Variants in ASAP1 observed in about 807,000 individuals in gnomAD.
ASAP1 encodes the protein arf-GAP with SH3 domain, ANK repeat and PH domain-containing protein 1.
Under a neutral mutation model 145.2 loss-of-function variants are expected in ASAP1, and 43 were observed. That is an observed-to-expected ratio of 0.30 (90% CI 0.23 to 0.38). The LOEUF is 0.38. ASAP1 is among the 10% of genes least tolerant of loss of function. ASAP1 has a pLI of 1.00. For missense variants in ASAP1, 1,018 were observed against 1,355.3 expected, an observed-to-expected ratio of 0.75 and a Z score of 3.91; for synonymous variants, 546 against 515.5, an observed-to-expected ratio of 1.06 and a Z score of -0.80.
At chr8:130,124,412 T>C (rs1456431722) in intron 17 of ASAP1, among the ~76,000 whole-genome samples, 1 of 152,170 alleles carries the variant, frequency 6.6e-6, no homozygotes, top group East Asian at 1.9e-4. Flanking sequence ...TAGAACAGAA[T>C]CTGGTTCTAC....
chr8:130,215,783 G>A (rs1816866373), intron 4 of ASAP1, among the ~76,000 whole-genome samples: 2 of 151,890 alleles, frequency 1.3e-5, no homozygotes, highest in African/African-American at 4.8e-5. Context: ...CAATTAGCTG[G>A]GTATTGTGGC....
chr8:130,311,016 A>C (rs1379876897), intron 3 of ASAP1, among the ~76,000 whole-genome samples: 1 of 152,186 alleles, frequency 6.6e-6, no homozygotes. Flanking sequence ...AGGAGGCTTT[A>C]TTTGTTAGGC....
chr8:130,322,442 A>ATC (rs1275032590), intron 3 of ASAP1, among the ~76,000 whole-genome samples: 1 of 152,172 alleles, frequency 6.6e-6, no homozygotes, highest in African/African-American at 2.4e-5. Context: ...TATTACATTG[A>ATC]TCTTATCCCA....
At chr8:130,403,554 C>CTTTTTTTTTTT (rs372481861) in intron 1 of ASAP1, among the ~76,000 whole-genome samples, 3 of 125,392 alleles carry the variant, frequency 2.4e-5, no homozygotes, top group African/African-American at 9.3e-5. Context: ...TTTTCTTTTT[C>CTTTTTTTTTTT]TTTTTTTTTT....
chr8:130,172,746 A>C (rs776872309), intron 9 of ASAP1, among the ~76,000 whole-genome samples: 1 of 152,252 alleles, frequency 6.6e-6, no homozygotes, highest in Non-Finnish European at 1.5e-5. Flanking sequence ...AGCACAAAAG[A>C]AATACTGAAG....
At chr8:130,368,751 A>G (rs921952723) in intron 2 of ASAP1, among the ~76,000 whole-genome samples, 1 of 152,258 alleles carries the variant, frequency 6.6e-6, no homozygotes, top group Non-Finnish European at 1.5e-5. Flanking sequence ...AAGAATGATC[A>G]TAACCAAAAG....
intron 5 of ASAP1, among the ~76,000 whole-genome samples, chr8:130,204,898 C>T (rs368691466): frequency 2.0e-5 from 3 of 152,186 alleles, no homozygotes; most frequent in African/African-American, 7.2e-5. Flanking sequence ...GCCTGGCATA[C>T]AGTCACCACA....
intron 5 of ASAP1, among the ~76,000 whole-genome samples, chr8:130,204,391 A>G (rs575211665): frequency 1.2e-4 from 19 of 152,284 alleles, no homozygotes; most frequent in East Asian, 5.8e-4. Context: ...TGAATGCTGA[A>G]TCTGAGATCT....
intron 3 of ASAP1, among the ~76,000 whole-genome samples, chr8:130,278,771 G>T (rs1014054056): frequency 8.5e-5 from 13 of 152,166 alleles, no homozygotes; most frequent in African/African-American, 3.1e-4. Flanking sequence ...GGGAGCTGTT[G>T]TTTCTGGGCC....
rs1587027865 is a variant in ASAP1, at chr8:130,426,853, C to T, written c.-28+16607G>A. On this transcript the variant is annotated intron_variant, in intron 1 of 29. Transcript: ENST00000518721. ...TTCTTCCATAAGGACTATTTGTCGT[C>T]TCACACACCATCCGTTTCATGTTTG... Among the ~76,000 whole-genome samples, 6 of 152,334 alleles carry T rather than the reference C, an allele frequency of 3.9e-5. No individual in the cohort carries two copies. In the South Asian group the frequency reaches 1.2e-3, roughly 32 times the overall value.
At chr8:130,311,500 G>A (rs995281042) in intron 3 of ASAP1, among the ~76,000 whole-genome samples, 4 of 152,140 alleles carry the variant, frequency 2.6e-5, no homozygotes, top group Non-Finnish European at 4.4e-5. Flanking sequence ...GGTGGCTCAC[G>A]CCTGTAATCC....
At chr8:130,345,336 C>T (rs1346099397) in intron 3 of ASAP1, among the ~76,000 whole-genome samples, 7 of 152,176 alleles carry the variant, frequency 4.6e-5, no homozygotes, top group Non-Finnish European at 1.0e-4. Flanking sequence ...TGACTGGCTG[C>T]CCCAGATGCA....
chr8:130,058,857 G>C (rs921781489), intron 28 of ASAP1, among the ~76,000 whole-genome samples: 1 of 152,064 alleles, frequency 6.6e-6, no homozygotes, highest in African/African-American at 2.4e-5. Context: ...GCTGCTTTCC[G>C]AGCTCCCTTC....
intron 3 of ASAP1, among the ~76,000 whole-genome samples, chr8:130,288,854 T>C (rs1821777042): frequency 6.6e-6 from 1 of 152,222 alleles, no homozygotes; most frequent in South Asian, 2.1e-4. Flanking sequence ...CAAATTATGA[T>C]AAATTCACAG....
chr8:130,324,110 T>C (rs1824183478), intron 3 of ASAP1, among the ~76,000 whole-genome samples: 1 of 152,130 alleles, frequency 6.6e-6, no homozygotes, highest in Admixed American at 6.5e-5. Context: ...ATCAAATCAG[T>C]AGAAGCCAAC....
chr8:130,213,805 C>T (rs1302578285), intron 5 of ASAP1, among the ~76,000 whole-genome samples: 1 of 152,156 alleles, frequency 6.6e-6, no homozygotes, highest in Non-Finnish European at 1.5e-5. Context: ...ATGATCCGTC[C>T]AGGTGGTGTT....
chr8:130,114,783 T>C (rs1001119018), intron 23 of ASAP1, among the ~76,000 whole-genome samples: 1 of 151,546 alleles, frequency 6.6e-6, no homozygotes, highest in African/African-American at 2.4e-5. Context: ...TTTTTTTTTT[T>C]TTTTTTAAGA....
At chr8:130,402,191 GC>G (rs1828827616) in intron 1 of ASAP1, among the ~76,000 whole-genome samples, 1 of 152,170 alleles carries the variant, frequency 6.6e-6, no homozygotes, top group Admixed American at 6.5e-5. Flanking sequence ...GCAAGTAAGT[GC>G]TCAGGAATCC....
chr8:130,396,375 G>A (rs1009498903), intron 2 of ASAP1, among the ~76,000 whole-genome samples: 15 of 152,140 alleles, frequency 9.9e-5, no homozygotes, highest in Admixed American at 8.5e-4. Flanking sequence ...AAGGCAGGGA[G>A]GGAAAAATGA....
Sources: allele counts gnomAD v4.1 joint callset (sites outside exome capture counted in the v4.1 genomes callset), GRCh38; gene constraint gnomAD v4.1.1; transcripts MANE v1.5; gene names NCBI Gene and HGNC (gene_info 2026-07-23, HGNC 2026-07-21).